DHRSX: variants seen among roughly 807,000 people sequenced by gnomAD.
The protein encoded by DHRSX is polyprenol dehydrogenase.
In DHRSX, 31 loss-of-function variants were observed where a neutral mutation model predicts 34.0. The observed-to-expected ratio is 0.91, with a 90% CI of 0.69 to 1.23. DHRSX has a LOEUF of 1.23. Ranked by LOEUF, DHRSX falls within the 50% of genes most tolerant of loss-of-function variation. DHRSX has a pLI of 0.00. For missense variants in DHRSX, 414 were observed against 428.1 expected, an observed-to-expected ratio of 0.97 and a Z score of 0.29; for synonymous variants, 201 against 183.8, an observed-to-expected ratio of 1.09 and a Z score of -0.76.
chrX:2,471,217 G>T (rs2044587603), intron 1 of DHRSX, among the ~76,000 whole-genome samples: 1 of 152,098 alleles, frequency 6.6e-6, no homozygotes, highest in South Asian at 2.1e-4. Context: ...CCCTTTATAT[G>T]ACCATGACCC....
At chrX:2,295,992 C>T (rs2041927434) in intron 3 of DHRSX, among the ~76,000 whole-genome samples, 1 of 152,124 alleles carries the variant, frequency 6.6e-6, no homozygotes, top group Non-Finnish European at 1.5e-5. Context: ...TGCTTGTGTG[C>T]CTCACTTGGG....
At chrX:2,352,016 A>G (rs7892201) in intron 3 of DHRSX, among the ~76,000 whole-genome samples, 119,685 of 152,018 alleles carry the variant, frequency 0.79, 48,403 homozygotes, top group African/African-American at 0.94. Flanking sequence ...CACCGTGCCC[A>G]GCCTGGAACA....
intron 2 of DHRSX, among the ~76,000 whole-genome samples, chrX:2,412,309 C>T (rs1301534106): frequency 1.3e-5 from 2 of 152,150 alleles, no homozygotes; most frequent in South Asian, 2.1e-4. Context: ...GTCTTGAACG[C>T]CTGACCTCGG....
At chrX:2,335,653 C>G (rs2042550141) in intron 3 of DHRSX, among the ~76,000 whole-genome samples, 1 of 151,938 alleles carries the variant, frequency 6.6e-6, no homozygotes, top group African/African-American at 2.4e-5. Context: ...GGGGCTTCAT[C>G]ATATAGGCCA....
intron 1 of DHRSX, among the ~76,000 whole-genome samples, chrX:2,459,583 C>G (rs2044373376): frequency 7.6e-6 from 1 of 132,070 alleles, no homozygotes; most frequent in Admixed American, 7.9e-5. Flanking sequence ...TATATATACA[C>G]ACACATACAA....
intron 3 of DHRSX, among the ~76,000 whole-genome samples, chrX:2,311,585 C>G (rs1193610734): frequency 2.0e-5 from 3 of 152,086 alleles, no homozygotes; most frequent in Admixed American, 6.6e-5. Context: ...AGAGCAGATG[C>G]CCCAAAGAGC....
intron 1 of DHRSX, among the ~76,000 whole-genome samples, chrX:2,453,621 T>A (rs1348404912): frequency 6.6e-6 from 1 of 152,096 alleles, no homozygotes; most frequent in Non-Finnish European, 1.5e-5. Flanking sequence ...CCGAGAGCTA[T>A]GAACATGATG....
intron 3 of DHRSX, among the ~76,000 whole-genome samples, chrX:2,325,459 A>G (rs1436874134): frequency 6.6e-6 from 1 of 152,196 alleles, no homozygotes; most frequent in African/African-American, 2.4e-5. Flanking sequence ...GACACGTTCA[A>G]GACAGTGGCT....
chrX:2,454,179 G>T (rs6567495), intron 1 of DHRSX, among the ~76,000 whole-genome samples: 93,849 of 151,610 alleles, frequency 0.62, 31,589 homozygotes, highest in African/African-American at 0.9. Flanking sequence ...ATATGACCAT[G>T]ACACAAGGGG....
At chrX:2,423,530 T>C (rs1434939517) in intron 2 of DHRSX, among the ~76,000 whole-genome samples, 2 of 152,172 alleles carry the variant, frequency 1.3e-5, no homozygotes, top group Admixed American at 1.3e-4. Context: ...AGTTTGAGGT[T>C]GCAGTGAGCT....
In DHRSX at chrX:2,355,511, T is replaced by TAAAAAAAA. The variant is rs767512287; in HGVS notation, c.286+53226_286+53233dup. Among the ~76,000 whole-genome samples, 28 of 75,298 alleles carry TAAAAAAAA rather than the reference T, an allele frequency of 3.7e-4. 1 individual carries two copies. The highest frequency in any genetic ancestry group is 7.3e-4 in the African/African-American group (16 of 22,022). 49.4% of individuals were successfully genotyped at this position (75,298 alleles called of 152,430 possible). ...TGGGTGACAAGAGCGAGACCCCATC[T>TAAAAAAAA]AAAAAAAAAAAAAAAAAAAAAAAAA... On this transcript the variant is annotated intron_variant, in intron 3 of 6. Transcript: ENST00000334651.
intron 3 of DHRSX, among the ~76,000 whole-genome samples, chrX:2,340,988 G>C (rs781525467): frequency 6.6e-6 from 1 of 152,200 alleles, no homozygotes; most frequent in Admixed American, 6.6e-5. Context: ...AATATCACCA[G>C]GTTAGCCTCC....
rs755904173 is a variant in DHRSX at position 2,460,107 on chromosome X, T to TCAAA, written c.110-34807_110-34804dup. 1.5e-3 allele frequency among the ~76,000 whole-genome samples: 223 copies of TCAAA among 152,032 alleles called. 2 individuals are homozygous for TCAAA. Among genetic ancestry groups the TCAAA allele is most frequent in the African/African-American group, 4.8e-3 (200 of 41,478 alleles). On this transcript the variant is annotated intron_variant, in intron 1 of 6. Coordinates refer to ENST00000334651, the MANE Select transcript of DHRSX (RefSeq NM_145177.3). ...TGGGCAAAAAGAGCAATAATCCTTC[T>TCAAA]CAAACAAACAAACAAACAAAAAAAG...
At chrX:2,401,412 G>A (rs1220397514) in intron 3 of DHRSX, among the ~76,000 whole-genome samples, 2 of 152,168 alleles carry the variant, frequency 1.3e-5, no homozygotes, top group African/African-American at 4.8e-5. Context: ...TGCCTAGCCA[G>A]GAAGCTAAAT....
chrX:2,412,385 G>C lies in DHRSX; in HGVS notation c.218-3572C>G, dbSNP rs772561908. 3.9e-5 allele frequency among the ~76,000 whole-genome samples: 6 copies of C among 152,202 alleles called. No homozygotes were observed. The South Asian group carries it at 1.2e-3, about 32-fold the overall frequency. The stretch of plus-strand genomic sequence containing the variant: ...AGACATGAGCCACTGCACCCGGCCT[G>C]GTTTTTTTCACATCTTAGGAAGTGA... On this transcript the variant is annotated intron_variant, in intron 2 of 6. Transcript: ENST00000334651.
chrX:2,462,706 T>G (rs1445067492), intron 1 of DHRSX, among the ~76,000 whole-genome samples: 3 of 152,170 alleles, frequency 2.0e-5, no homozygotes, highest in African/African-American at 7.2e-5. Flanking sequence ...ACCAGGAATT[T>G]TTTATAAGCC....
chrX:2,226,030 G>T (rs1336592510), intron 6 of DHRSX, among the ~76,000 whole-genome samples: 1 of 152,034 alleles, frequency 6.6e-6, no homozygotes, highest in Non-Finnish European at 1.5e-5. Flanking sequence ...GGAGGAGCCC[G>T]CCCAGCCCAC....
At chrX:2,385,108 A>ATGTGTGTGTGTGTGTGTG (rs1273797831) in intron 3 of DHRSX, among the ~76,000 whole-genome samples, 73 of 122,686 alleles carry the variant, frequency 6.0e-4, no homozygotes, top group Non-Finnish European at 6.0e-4. Flanking sequence ...TCTCAAATAT[A>ATGTGTGTGTGTGTGTGTG]TATGTGTGTG....
intron 3 of DHRSX, among the ~76,000 whole-genome samples, chrX:2,338,625 C>T (rs982042584): frequency 1.6e-4 from 24 of 151,918 alleles, no homozygotes; most frequent in Admixed American, 5.9e-4. Flanking sequence ...TGGCGTCTCC[C>T]GTCTGTCTTC....
Sources: gnomAD v4.1 joint callset for allele counts (sites outside exome capture counted in the v4.1 genomes callset) on GRCh38, gnomAD v4.1.1 for gene constraint, MANE v1.5 for transcripts, NCBI Gene and HGNC (gene_info 2026-07-23, HGNC 2026-07-21) for gene names.